PPP4R2: variants seen among roughly 807,000 people sequenced by gnomAD.
PPP4R2 encodes the protein protein phosphatase 4 regulatory subunit 2, also known as serine/threonine-protein phosphatase 4 regulatory subunit 2.
Under a neutral mutation model 47.2 loss-of-function variants are expected in PPP4R2, and 13 were observed. The ratio of observed to expected loss-of-function variants is 0.28; its 90% CI spans 0.18 to 0.44. The LOEUF (loss-of-function observed/expected upper bound fraction) is 0.44, where lower values mean the gene tolerates loss of function less well. PPP4R2 is among the 20% of genes least tolerant of loss of function. The pLI, the probability that PPP4R2 is intolerant of heterozygous loss-of-function variation, is 1.00. For synonymous variants in PPP4R2, 151 were observed against 163.3 expected, an observed-to-expected ratio of 0.92 and a Z score of 0.57; for missense variants, 421 against 491.2, an observed-to-expected ratio of 0.86 and a Z score of 1.35.
intron 2 of PPP4R2, among the ~76,000 whole-genome samples, chr3:73,030,512 G>C (rs970513144): frequency 2.6e-5 from 4 of 152,072 alleles, no homozygotes; most frequent in African/African-American, 9.7e-5. Flanking sequence ...ATGTCTGGTA[G>C]CATTTGTAGC....
At chr3:73,000,267 G>A (rs762625080) in intron 2 of PPP4R2, among the ~76,000 whole-genome samples, 3 of 152,192 alleles carry the variant, frequency 2.0e-5, no homozygotes, top group African/African-American at 7.2e-5. Context: ...GTGGGAGGTT[G>A]AGGCTGCAGT....
Position 73,062,311 on chromosome 3 carries a change from T to C in PPP4R2, c.419+1251T>C, listed in dbSNP as rs200936131. ...GGGCTCCCTGACCTTCAAGGAAGAT[T>C]TGAGCTATCTGGGAAAAACAGACAG... is the stretch of plus-strand genomic sequence containing the variant. On this transcript the variant is annotated intron_variant, in intron 5 of 8. Coordinates refer to ENST00000356692, the MANE Select transcript of PPP4R2 (RefSeq NM_174907.4). 1.1e-5 allele frequency: 17 copies of C among 1,606,364 alleles called. No homozygotes were observed. In the South Asian group the frequency reaches 1.5e-4, roughly 14 times the overall value.
intron 2 of PPP4R2, among the ~76,000 whole-genome samples, chr3:73,001,365 A>G (rs1701453033): frequency 6.6e-6 from 1 of 152,094 alleles, no homozygotes; most frequent in South Asian, 2.1e-4. Context: ...GGAGTTCGAG[A>G]CCAGCCTGGG....
intron 2 of PPP4R2, among the ~76,000 whole-genome samples, chr3:73,000,695 A>G (rs1298188879): frequency 6.6e-6 from 1 of 152,212 alleles, no homozygotes; most frequent in Non-Finnish European, 1.5e-5. Context: ...CTATATATGT[A>G]TATAACTAAA....
intron 3 of PPP4R2, among the ~76,000 whole-genome samples, chr3:73,054,534 C>T (rs1346588304): frequency 6.6e-6 from 1 of 152,014 alleles, no homozygotes; most frequent in African/African-American, 2.4e-5. Flanking sequence ...ACTAAGACAC[C>T]ACTAATGTGG....
chr3:73,024,639 C>T (rs1480312086), intron 2 of PPP4R2, among the ~76,000 whole-genome samples: 1 of 152,088 alleles, frequency 6.6e-6, no homozygotes, highest in Non-Finnish European at 1.5e-5. Flanking sequence ...TTTCTCTCTC[C>T]TTCCTTCCTG....
At chr3:73,002,504 C>T (rs753303065) in intron 2 of PPP4R2, among the ~76,000 whole-genome samples, 15 of 152,132 alleles carry the variant, frequency 9.9e-5, no homozygotes, top group Admixed American at 3.9e-4. Flanking sequence ...GCAATCCTCC[C>T]AGAGTGCAAA....
At chr3:73,058,904 C>A in intron 3 of PPP4R2, 133 bp from the exon 4 acceptor site, 1 of 456,340 alleles carries the variant, frequency 2.2e-6, no homozygotes, top group Non-Finnish European at 3.9e-6. Context: ...CCATTTATTT[C>A]CCTATTATAG....
intron 3 of PPP4R2, 26 bp downstream of exon 3, chr3:73,047,382 A>G (rs751138964): frequency 6.9e-7 from 1 of 1,455,350 alleles, no homozygotes; most frequent in Non-Finnish European, 9.3e-7. Flanking sequence ...TGTTTTAAAG[A>G]TTTAATTTTT....
intron 2 of PPP4R2, among the ~76,000 whole-genome samples, chr3:72,998,872 T>C (rs1213908002): frequency 1.3e-5 from 2 of 152,162 alleles, no homozygotes; most frequent in East Asian, 3.8e-4. Flanking sequence ...GCATCTTTGA[T>C]GACTTCTTTT....
At chr3:73,027,033 A>G (rs370764363) in intron 2 of PPP4R2, among the ~76,000 whole-genome samples, 4 of 152,244 alleles carry the variant, frequency 2.6e-5, no homozygotes, top group South Asian at 4.1e-4. Flanking sequence ...GATTGAGTTA[A>G]TATGTCCAAA....
intron 2 of PPP4R2, among the ~76,000 whole-genome samples, chr3:73,032,154 T>C (rs897782417): frequency 6.6e-6 from 1 of 152,234 alleles, no homozygotes; most frequent in African/African-American, 2.4e-5. Context: ...CATTAGTGAA[T>C]TTATTAATAC....
intron 2 of PPP4R2, among the ~76,000 whole-genome samples, chr3:73,009,025 C>G (rs1701670513): frequency 6.6e-6 from 1 of 152,182 alleles, no homozygotes; most frequent in African/African-American, 2.4e-5. Flanking sequence ...CAGCGACAGG[C>G]AGATAGTGAG....
chr3:73,047,166 T>C lies in PPP4R2; in HGVS notation c.117-20T>C. The C allele has an allele frequency of 7.0e-7, 1 of 1,421,624 alleles. No individual in the cohort carries two copies. The highest frequency in any genetic ancestry group is 9.6e-7 in the Non-Finnish European group (1 of 1,045,234). 88.1% of individuals were successfully genotyped at this position (1,421,624 alleles called of 1,614,324 possible). A position where few individuals can be genotyped will look rare whatever the true frequency, so the allele number is the denominator to read the frequency against. ...GTGAAGCTACATGGTATTATATATTTTTTAATTTTTTGCTTATAGGATTCA... is the reference window on the plus strand; with the variant it reads ...GTGAAGCTACATGGTATTATATATTCTTTAATTTTTTGCTTATAGGATTCA... On this transcript the variant is annotated intron_variant, in intron 2 of 8. Transcript: ENST00000356692.
intron 2 of PPP4R2, among the ~76,000 whole-genome samples, chr3:73,016,721 G>T (rs1701839415): frequency 9.3e-6 from 1 of 107,236 alleles, no homozygotes; most frequent in African/African-American, 3.8e-5. Flanking sequence ...TAGCTTTATT[G>T]GTTCATTGTT....
intron 2 of PPP4R2, among the ~76,000 whole-genome samples, chr3:73,005,891 T>C (rs955528937): frequency 1.3e-5 from 2 of 151,306 alleles, no homozygotes; most frequent in African/African-American, 4.9e-5. Context: ...ACTGTATTTA[T>C]TCGAAATGTA....
rs1306946595 is a variant in PPP4R2 at position 73,067,896 on chromosome 3, T to G, written c.*2174T>G. The G allele has an allele frequency of 6.6e-6, 1 of 152,228 alleles. No individual in the cohort carries two copies. The highest frequency in any genetic ancestry group is 1.5e-5 in the Non-Finnish European group (1 of 68,034). The allele number at this position is 152,228 out of a possible 1,614,324, so 9.4% of individuals were successfully genotyped here. A position where few individuals can be genotyped will look rare whatever the true frequency, so the allele number is the denominator to read the frequency against. ...TGACATCACTTAACTCTATGAGAGATCTGCATTTTAATCTATAGTTTAATA... is the reference window on the plus strand; with the variant it reads ...TGACATCACTTAACTCTATGAGAGAGCTGCATTTTAATCTATAGTTTAATA... On this transcript the variant is annotated 3_prime_UTR_variant, in exon 9 of 9. Coordinates refer to ENST00000356692, the MANE Select transcript of PPP4R2 (RefSeq NM_174907.4).
At chr3:73,063,091 G>T in intron 5 of PPP4R2, 2 of 596,788 alleles carry the variant, frequency 3.4e-6, no homozygotes, top group African/African-American at 1.9e-5. Flanking sequence ...CCCCATTATT[G>T]GGGAGCTGTC....
chr3:73,043,474 G>A (rs1702422363), intron 2 of PPP4R2, among the ~76,000 whole-genome samples: 1 of 152,120 alleles, frequency 6.6e-6, no homozygotes, highest in South Asian at 2.1e-4. Flanking sequence ...GAATGGAATT[G>A]TTGGATTACA....
Sources: allele counts gnomAD v4.1 joint callset (sites outside exome capture counted in the v4.1 genomes callset), GRCh38; gene constraint gnomAD v4.1.1; transcripts MANE v1.5; gene names NCBI Gene and HGNC (gene_info 2026-07-23, HGNC 2026-07-21).